Variants in SUSD6 observed in about 807,000 individuals in gnomAD.
SUSD6 encodes sushi domain-containing protein 6.
A neutral mutation model predicts 28.4 loss-of-function variants in SUSD6; 16 were observed. The observed-to-expected ratio is 0.56, with a 90% CI of 0.38 to 0.86. The LOEUF (loss-of-function observed/expected upper bound fraction) is 0.86, where lower values mean the gene tolerates loss of function less well. SUSD6 is among the 40% of genes least tolerant of loss of function. The pLI is 0.00. For synonymous variants in SUSD6, 147 were observed against 159.6 expected, an observed-to-expected ratio of 0.92 and a Z score of 0.59; for missense variants, 341 against 384.2, an observed-to-expected ratio of 0.89 and a Z score of 0.94.
intron 2 of SUSD6, among the ~76,000 whole-genome samples, chr14:69,681,313 T>A (rs1395240906): frequency 6.6e-6 from 1 of 152,256 alleles, no homozygotes; most frequent in African/African-American, 2.4e-5. Flanking sequence ...TGGATGGTGC[T>A]GTTTTTCCCA....
intron 2 of SUSD6, among the ~76,000 whole-genome samples, chr14:69,660,239 A>T (rs1176202114): frequency 6.6e-6 from 1 of 152,216 alleles, no homozygotes; most frequent in Non-Finnish European, 1.5e-5. Context: ...ATAATGGCAC[A>T]GTCTCAGCTA....
At chr14:69,639,018 T>C (rs1009853179) in intron 1 of SUSD6, among the ~76,000 whole-genome samples, 2 of 152,136 alleles carry the variant, frequency 1.3e-5, no homozygotes, top group Non-Finnish European at 2.9e-5. Flanking sequence ...CGTTTCTCTT[T>C]GGATCATTAG....
chr14:69,617,664 T>G (rs1274429667), intron 1 of SUSD6: 1 of 152,248 alleles, frequency 6.6e-6, no homozygotes, highest in African/African-American at 2.4e-5. Flanking sequence ...AAATCTCATC[T>G]TTGTGTTTTA....
chr14:69,692,573 G>C (rs1023170249), intron 2 of SUSD6, among the ~76,000 whole-genome samples: 1 of 152,150 alleles, frequency 6.6e-6, no homozygotes, highest in African/African-American at 2.4e-5. Flanking sequence ...TGCAGTGCCT[G>C]GTGATAAATG....
chr14:69,657,533 A>G (rs1885600949), intron 1 of SUSD6, among the ~76,000 whole-genome samples: 1 of 152,184 alleles, frequency 6.6e-6, no homozygotes, highest in African/African-American at 2.4e-5. Flanking sequence ...TATAGATGGC[A>G]GACTCCCTAA....
At chr14:69,701,257 C>T (rs910311416) in intron 2 of SUSD6, among the ~76,000 whole-genome samples, 2 of 151,668 alleles carry the variant, frequency 1.3e-5, no homozygotes, top group Admixed American at 6.6e-5. Flanking sequence ...GCCAGGATCC[C>T]GCTCAAAGAT....
At chr14:69,705,320 T>TAA (rs879849783) in intron 4 of SUSD6, among the ~76,000 whole-genome samples, 5 of 135,088 alleles carry the variant, frequency 3.7e-5, no homozygotes, top group Admixed American at 7.4e-5. Context: ...TCTGTCCCAT[T>TAA]AAAAAAAAAA....
intron 2 of SUSD6, among the ~76,000 whole-genome samples, chr14:69,689,703 C>T (rs1032530445): frequency 1.3e-5 from 2 of 152,200 alleles, no homozygotes; most frequent in Admixed American, 1.3e-4. Context: ...GAGTCTCGCT[C>T]TCACCAGGCT....
chr14:69,625,598 G>C (rs1317017718), intron 1 of SUSD6, among the ~76,000 whole-genome samples: 1 of 152,180 alleles, frequency 6.6e-6, no homozygotes, highest in African/African-American at 2.4e-5. Context: ...CTGGACAGAG[G>C]GGGTTAGCAA....
At position 69,653,590 on chromosome 14, in the gene SUSD6, A is replaced by T. The variant is rs529572667; in HGVS notation, c.-80-4923A>T. Reference sequence around the variant, plus strand: ...TGGCCGAGTGCTAGTTTTGAACTTGATGCTTAGTTCTAGGTTCCTCTTCAG... The same window carrying T: ...TGGCCGAGTGCTAGTTTTGAACTTGTTGCTTAGTTCTAGGTTCCTCTTCAG... On this transcript the variant is annotated intron_variant, in intron 1 of 5. Transcript: ENST00000342745. 3.1e-4 allele frequency among the ~76,000 whole-genome samples: 47 copies of T among 152,180 alleles called. 1 individual carries two copies. In the South Asian group the frequency reaches 9.8e-3, roughly 32 times the overall value.
chr14:69,625,206 T>C (rs889608265), intron 1 of SUSD6, among the ~76,000 whole-genome samples: 3 of 152,230 alleles, frequency 2.0e-5, no homozygotes, highest in African/African-American at 7.2e-5. Context: ...AAGAGTAGTG[T>C]GTATTCCACG....
At position 69,677,546 on chromosome 14, in the gene SUSD6, CA is replaced by C. The variant is rs57290539; in HGVS notation, c.121+18850del. Among the ~76,000 whole-genome samples the C allele has an allele frequency of 9.9e-3, 1,135 of 114,076 alleles. 8 individuals carry two copies. Among genetic ancestry groups the C allele is most frequent in the African/African-American group, 0.031 (915 of 29,720 alleles). The allele number at this position is 114,076 out of a possible 152,430, so 74.8% of individuals were successfully genotyped here. A position where few individuals can be genotyped will look rare whatever the true frequency, so the allele number is the denominator to read the frequency against. ...TGGGCCACAGAGTGAGACTCCGTCTCAAAAAAAAAAAAAAAAAGAAAAGTGT... is the reference window on the plus strand; with the variant it reads ...TGGGCCACAGAGTGAGACTCCGTCTCAAAAAAAAAAAAAAAAGAAAAGTGT... On this transcript the variant is annotated intron_variant, in intron 2 of 5. Coordinates refer to ENST00000342745, the MANE Select transcript of SUSD6 (RefSeq NM_014734.4).
At chr14:69,628,883 T>A (rs1885154510) in intron 1 of SUSD6, among the ~76,000 whole-genome samples, 1 of 151,946 alleles carries the variant, frequency 6.6e-6, no homozygotes, top group African/African-American at 2.4e-5. Flanking sequence ...ATTTTTGTAT[T>A]TTTTGAAGAG....
At position 69,675,968 on chromosome 14, in the gene SUSD6, C is replaced by T. The variant is rs151248913; in HGVS notation, c.121+17255C>T. Among the ~76,000 whole-genome samples, 110 of 152,148 alleles carry T rather than the reference C, an allele frequency of 7.2e-4. 1 individual carries two copies. The South Asian group carries it at 0.015, about 21-fold the overall frequency. ...TTGGTTTTGTTTTTAACGCTGACTT[C>T]CCATGCTATTGTCTTTAGTATGACT... On this transcript the variant is annotated intron_variant, in intron 2 of 5. Coordinates refer to ENST00000342745, the MANE Select transcript of SUSD6 (RefSeq NM_014734.4).
intron 2 of SUSD6, among the ~76,000 whole-genome samples, chr14:69,697,848 C>A (rs568645188): frequency 6.6e-6 from 1 of 152,198 alleles, no homozygotes; most frequent in Non-Finnish European, 1.5e-5. Flanking sequence ...TTAACACTTA[C>A]TTCATTGGTT....
chr14:69,674,691 C>T (rs1489364908), intron 2 of SUSD6, among the ~76,000 whole-genome samples: 1 of 152,108 alleles, frequency 6.6e-6, no homozygotes, highest in African/African-American at 2.4e-5. Context: ...TTATTTCCCA[C>T]CAGAGCCTGA....
chr14:69,664,762 A>G (rs930463113), intron 2 of SUSD6, among the ~76,000 whole-genome samples: 9 of 152,170 alleles, frequency 5.9e-5, no homozygotes, highest in South Asian at 2.1e-4. Context: ...CTGCTGAGCA[A>G]TGGTGCCCCA....
intron 1 of SUSD6, among the ~76,000 whole-genome samples, chr14:69,633,353 A>G (rs925706015): frequency 6.6e-6 from 1 of 152,202 alleles, no homozygotes; most frequent in African/African-American, 2.4e-5. Context: ...GCCCTGACAG[A>G]TTTCAGAATG....
At chr14:69,699,965 G>C (rs1025951581) in intron 2 of SUSD6, among the ~76,000 whole-genome samples, 1 of 152,128 alleles carries the variant, frequency 6.6e-6, no homozygotes, top group African/African-American at 2.4e-5. Context: ...GAAATAGCTG[G>C]CCGTCCCACC....
Sources: gnomAD v4.1 joint callset for allele counts (sites outside exome capture counted in the v4.1 genomes callset) on GRCh38, gnomAD v4.1.1 for gene constraint, MANE v1.5 for transcripts, NCBI Gene and HGNC (gene_info 2026-07-23, HGNC 2026-07-21) for gene names.